The following DCP1B variants were observed in gnomAD, a reference collection of about 807,000 sequenced individuals.
The protein encoded by DCP1B is mRNA-decapping enzyme 1B.
A neutral mutation model predicts 60.5 loss-of-function variants in DCP1B; 47 were observed. The observed-to-expected ratio is 0.78, with a 90% CI of 0.61 to 0.99. The LOEUF (loss-of-function observed/expected upper bound fraction) is 0.99. DCP1B is among the 50% of genes least tolerant of loss of function. DCP1B has a pLI of 0.00. For missense variants in DCP1B, 725 were observed against 756.8 expected (o/e 0.96, Z 0.49); for synonymous variants, 267 against 280.3 (o/e 0.95, Z 0.47).
At position 1,965,626 on chromosome 12, in the gene DCP1B, T is replaced by C. The variant is rs773967226; in HGVS notation, c.454A>G (p.Asn152Asp). The part of the protein sequence containing the change: ...TGAGISPVIL[N>D]SGEGKEVDIL... ...TCTACTTCTTTGCCCTCTCCTGAAT[T>C]GAGGATCACTGGGGAAATTCCTGCT... The change falls in exon 5 of 9, where the codon AAT becomes GAT. Residue 152 changes from asparagine (N) to aspartate (D), a missense_variant. Coordinates refer to ENST00000280665, the MANE Select transcript of DCP1B (RefSeq NM_152640.5). 2.5e-6 allele frequency: 4 copies of C among 1,614,096 alleles called. No individual in the cohort carries two copies. Among genetic ancestry groups the C allele is most frequent in the African/African-American group, 1.3e-5 (1 of 75,048 alleles).
downstream of DCP1B, among the ~76,000 whole-genome samples, chr12:1,942,663 A>C (rs1040448379): frequency 4.6e-5 from 7 of 152,234 alleles, no homozygotes; most frequent in African/African-American, 1.7e-4. Flanking sequence ...AACTACACGG[A>C]AACTGAACAA....
chr12:1,944,019 C>G (rs1384798877), downstream of DCP1B, among the ~76,000 whole-genome samples: 1 of 152,142 alleles, frequency 6.6e-6, no homozygotes, highest in Admixed American at 6.5e-5. Flanking sequence ...GATGACATGA[C>G]TGTATATTTA....
intron 3 of DCP1B, among the ~76,000 whole-genome samples, chr12:1,987,824 T>G (rs1479068461): frequency 1.3e-5 from 2 of 152,194 alleles, no homozygotes; most frequent in African/African-American, 4.8e-5. Flanking sequence ...ATGATTACAT[T>G]TCCTTTTTTG....
intron 3 of DCP1B, among the ~76,000 whole-genome samples, chr12:1,988,922 G>T (rs1355845598): frequency 6.6e-6 from 1 of 152,176 alleles, no homozygotes; most frequent in Non-Finnish European, 1.5e-5. Context: ...GACTTAGGAG[G>T]AGTTTTCTAA....
intron 1 of DCP1B, among the ~76,000 whole-genome samples, chr12:1,998,969 CA>C (rs1451842429): frequency 7.9e-5 from 12 of 152,198 alleles, no homozygotes; most frequent in Non-Finnish European, 1.3e-4. Flanking sequence ...GTCAAAACAG[CA>C]GTTTTTAAAA....
intron 3 of DCP1B, among the ~76,000 whole-genome samples, chr12:1,978,172 C>T (rs1000324735): frequency 2.6e-5 from 4 of 152,158 alleles, no homozygotes; most frequent in African/African-American, 9.7e-5. Flanking sequence ...TGTCGCAACC[C>T]AGAGAAAGGG....
Position 1,953,083 on chromosome 12 carries a change from AT to A in DCP1B, c.856del (p.Ile286LeufsTer97), listed in dbSNP as rs1335325897. The A allele has an allele frequency of 5.0e-6, 8 of 1,613,862 alleles. No individual in the cohort carries two copies. The Admixed American group carries it at 1.3e-4, about 27-fold the overall frequency. ...YEEPRRHSPP[I>X]EKQLCPAIQK... is the part of the protein sequence containing the mutation. ...AATGGCTGGACAGAGCTGCTTCTCA[AT>A]GGGGGGTGAGTGTCTTCTGGGTTCC... On this transcript the variant is annotated frameshift_variant, in exon 7 of 9. Coordinates refer to ENST00000280665, the MANE Select transcript of DCP1B (RefSeq NM_152640.5). LOFTEE classifies it high-confidence loss of function.
chr12:1,949,296 C>A lies in DCP1B; in HGVS notation c.1563G>T (p.Pro521=). The A allele has an allele frequency of 1.2e-6, 2 of 1,614,068 alleles. No individual in the cohort carries two copies. The highest frequency in any genetic ancestry group is 8.5e-7 in the Non-Finnish European group (1 of 1,180,028). Residue 521 remains proline, a synonymous_variant, in exon 8 of 9, where the codon CCG becomes CCT. Transcript: ENST00000280665. ...ACACCATGGGGGACATAAGCAGAGACGGAGCTGCTGTAGCAGGGATGCGCT... is the reference window on the plus strand; with the variant it reads ...ACACCATGGGGGACATAAGCAGAGAAGGAGCTGCTGTAGCAGGGATGCGCT... ...SPQRIPATAA[P]SLLMSPMVFA...
intron 8 of DCP1B, among the ~76,000 whole-genome samples, chr12:1,946,958 A>G (rs368283732): frequency 2.6e-5 from 4 of 152,230 alleles, no homozygotes; most frequent in East Asian, 3.9e-4. Flanking sequence ...GGCCTCCCCA[A>G]GTGTTGGATT....
intron 2 of DCP1B, among the ~76,000 whole-genome samples, chr12:1,994,648 C>T (rs564226725): frequency 1.3e-5 from 2 of 152,284 alleles, no homozygotes; most frequent in Non-Finnish European, 2.9e-5. Context: ...TATGAACTCT[C>T]TATTACAGAA....
chr12:2,004,415 G>A lies in DCP1B; in HGVS notation c.17C>T (p.Ala6Val), dbSNP rs1267100184. The A allele has an allele frequency of 1.9e-6, 3 of 1,610,164 alleles. No homozygotes were observed. Among genetic ancestry groups the A allele is most frequent in the Non-Finnish European group, 1.7e-6 (2 of 1,178,658 alleles). MAAVA[A>V]GGLVGKGRDI... ...GCGCCCCTTTCCCACCAGGCCGCCT[G>A]CCGCCACGGCTGCCATCTTCCCTCC... Residue 6 changes from alanine to valine, a missense_variant, in exon 1 of 9, where the codon GCA (alanine) becomes GTA (valine). Physicochemically the swap from Ala to Val is moderately conservative, Grantham distance 64. Transcript: ENST00000280665.
chr12:1,981,893 G>A (rs1176763486), intron 3 of DCP1B, among the ~76,000 whole-genome samples: 1 of 152,160 alleles, frequency 6.6e-6, no homozygotes, highest in African/African-American at 2.4e-5. Flanking sequence ...TTAAAAGCAT[G>A]CAGGTAAGAG....
At chr12:1,970,977 G>C in intron 3 of DCP1B, 1 of 856,330 alleles carries the variant, frequency 1.2e-6, no homozygotes, top group Non-Finnish European at 1.6e-6. Context: ...ATAGCTTCTG[G>C]GTTTTAAAAA....
At chr12:2,002,001 T>C (rs2042295015) in intron 1 of DCP1B, among the ~76,000 whole-genome samples, 1 of 152,200 alleles carries the variant, frequency 6.6e-6, no homozygotes, top group Non-Finnish European at 1.5e-5. Context: ...TATTAATATT[T>C]TGGAGGCGGG....
chr12:1,959,618 C>T lies in DCP1B; in HGVS notation c.523-4058G>A, dbSNP rs2031046008. Reference sequence around the variant, plus strand: ...GGCAAGGATGTACAGAAAAGGAAATCCTTGTATACTGTTGGTGGGAATATT... The same window carrying T: ...GGCAAGGATGTACAGAAAAGGAAATTCTTGTATACTGTTGGTGGGAATATT... On this transcript the variant is annotated intron_variant, in intron 5 of 8. Coordinates refer to ENST00000280665, the MANE Select transcript of DCP1B (RefSeq NM_152640.5). Among the ~76,000 whole-genome samples, 3 of 152,252 alleles carry T rather than the reference C, an allele frequency of 2.0e-5. No individual in the cohort carries two copies. The South Asian group carries it at 6.2e-4, about 32-fold the overall frequency.
chr12:1,958,695 G>A (rs1390438207), intron 5 of DCP1B, among the ~76,000 whole-genome samples: 53 of 111,230 alleles, frequency 4.8e-4, no homozygotes, highest in Admixed American at 7.7e-4. Context: ...CCCGGAAGGA[G>A]ACAGGGGAAA....
At chr12:1,983,077 T>C (rs1024243749) in intron 3 of DCP1B, among the ~76,000 whole-genome samples, 1 of 152,102 alleles carries the variant, frequency 6.6e-6, no homozygotes, top group African/African-American at 2.4e-5. Context: ...CCTTTTAATG[T>C]CTGTAGATAG....
At chr12:1,956,468 T>G (rs1022147403) in intron 5 of DCP1B, among the ~76,000 whole-genome samples, 1 of 152,230 alleles carries the variant, frequency 6.6e-6, no homozygotes, top group Non-Finnish European at 1.5e-5. Flanking sequence ...CCAATGTGTT[T>G]TACAGTTATC....
At chr12:1,993,188 G>A in intron 3 of DCP1B, 76 bp downstream of exon 3, 1 of 1,600,024 alleles carries the variant, frequency 6.2e-7, no homozygotes, top group Non-Finnish European at 8.6e-7. Flanking sequence ...CAAACACAAT[G>A]GCAAACACTG....
Sources: allele counts gnomAD v4.1 joint callset (sites outside exome capture counted in the v4.1 genomes callset), GRCh38; gene constraint gnomAD v4.1.1; transcripts MANE v1.5; gene names NCBI Gene and HGNC (gene_info 2026-07-23, HGNC 2026-07-21).